Variants in CDH12 observed in about 807,000 individuals in gnomAD.
CDH12 encodes cadherin 12.
In CDH12, 41 loss-of-function variants were observed where a neutral mutation model predicts 74.1. That is an observed-to-expected ratio of 0.55 (90% CI 0.43 to 0.72). CDH12 has a LOEUF of 0.72. CDH12 is among the 30% of genes least tolerant of loss of function. The pLI is 0.00. For missense variants in CDH12, 945 were observed against 977.2 expected, an observed-to-expected ratio of 0.97 and a Z score of 0.44; for synonymous variants, 399 against 355.0, an observed-to-expected ratio of 1.12 and a Z score of -1.39.
At chr5:22,836,221 C>CTTTT (rs1561065927) in intron 1 of CDH12, among the ~76,000 whole-genome samples, 1 of 13,292 alleles carries the variant, frequency 7.5e-5, no homozygotes, top group African/African-American at 3.0e-4. Flanking sequence ...TTCTTTCTTT[C>CTTTT]TCTTTTTTTT....
intron 4 of CDH12, among the ~76,000 whole-genome samples, chr5:22,202,038 C>T (rs994529559): frequency 7.2e-5 from 11 of 152,014 alleles, no homozygotes; most frequent in African/African-American, 2.2e-4. Context: ...CTTACTGAGA[C>T]GGTAAAGAGA....
intron 1 of CDH12, among the ~76,000 whole-genome samples, chr5:22,618,785 T>G (rs1737813913): frequency 6.6e-6 from 1 of 152,056 alleles, no homozygotes. Context: ...CCATGTGTCA[T>G]GGGAGGGACC....
At chr5:22,437,797 T>C (rs1160275249) in intron 2 of CDH12, among the ~76,000 whole-genome samples, 1 of 151,994 alleles carries the variant, frequency 6.6e-6, no homozygotes, top group Admixed American at 6.6e-5. Flanking sequence ...CTAAGATTTA[T>C]TTAACCCAAG....
At position 22,748,126 on chromosome 5, in the gene CDH12, A is replaced by T. The variant is rs75271904; in HGVS notation, c.-523+104932T>A. ...TTTGAAAGGTATATTTAAATAAAAT[A>T]TGTGTAAATTGAAACAAGACAAAAA... On this transcript the variant is annotated intron_variant, in intron 1 of 14. Transcript: ENST00000382254. 2.4e-3 allele frequency among the ~76,000 whole-genome samples: 371 copies of T among 152,358 alleles called. 14 individuals carry two copies. The East Asian group carries it at 0.062, about 26-fold the overall frequency.
At chr5:21,845,290 T>C (rs1750104790) in intron 7 of CDH12, among the ~76,000 whole-genome samples, 1 of 152,132 alleles carries the variant, frequency 6.6e-6, no homozygotes, top group Admixed American at 6.6e-5. Context: ...AATTGTTATG[T>C]TACCTAGCCC....
At chr5:22,392,837 T>C (rs1021783581) in intron 3 of CDH12, among the ~76,000 whole-genome samples, 3 of 152,116 alleles carry the variant, frequency 2.0e-5, no homozygotes, top group Non-Finnish European at 4.4e-5. Context: ...GTGGAGAGAT[T>C]GCTTGGGAAA....
chr5:22,354,966 T>C (rs1468704826), intron 3 of CDH12, among the ~76,000 whole-genome samples: 1 of 152,130 alleles, frequency 6.6e-6, no homozygotes, highest in South Asian at 2.1e-4. Context: ...CCGAATTGAC[T>C]AGGGCCATCT....
intron 3 of CDH12, among the ~76,000 whole-genome samples, chr5:22,290,186 A>G (rs1737322149): frequency 6.6e-6 from 1 of 151,866 alleles, no homozygotes; most frequent in Admixed American, 6.6e-5. Flanking sequence ...ATAAATACTT[A>G]CTAATTCAAA....
chr5:22,064,682 T>C (rs377332191), intron 5 of CDH12, among the ~76,000 whole-genome samples: 1 of 152,162 alleles, frequency 6.6e-6, no homozygotes, highest in Admixed American at 6.5e-5. Flanking sequence ...TGATAAATAA[T>C]CATTTAATGT....
chr5:22,021,562 C>G (rs751199358), intron 5 of CDH12, among the ~76,000 whole-genome samples: 1 of 152,204 alleles, frequency 6.6e-6, no homozygotes, highest in Non-Finnish European at 1.5e-5. Flanking sequence ...ATGTGATACA[C>G]ATTCATTAGA....
intron 3 of CDH12, among the ~76,000 whole-genome samples, chr5:22,397,963 T>G (rs1186166394): frequency 6.6e-6 from 1 of 152,064 alleles, no homozygotes; most frequent in Non-Finnish European, 1.5e-5. Context: ...GCTGACACCT[T>G]GATCTTGGAA....
intron 1 of CDH12, among the ~76,000 whole-genome samples, chr5:22,637,438 A>T (rs1738899964): frequency 6.6e-6 from 1 of 152,246 alleles, no homozygotes; most frequent in Non-Finnish European, 1.5e-5. Flanking sequence ...TGATCACTTT[A>T]AAGAAAGGAG....
intron 7 of CDH12, among the ~76,000 whole-genome samples, chr5:21,849,655 ACT>A (rs886585563): frequency 4.6e-5 from 7 of 151,442 alleles, no homozygotes; most frequent in Non-Finnish European, 8.9e-5. Flanking sequence ...GTTGGAAAAG[ACT>A]CTTTTATTTT....
intron 1 of CDH12, among the ~76,000 whole-genome samples, chr5:22,537,782 A>C (rs1737920677): frequency 6.6e-6 from 1 of 152,222 alleles, no homozygotes; most frequent in Admixed American, 6.5e-5. Flanking sequence ...TTTATTCTCC[A>C]AAATAAACTT....
chr5:22,086,206 T>C (rs879801615), intron 4 of CDH12, among the ~76,000 whole-genome samples: 2 of 152,180 alleles, frequency 1.3e-5, no homozygotes, highest in Non-Finnish European at 1.5e-5. Flanking sequence ...AGATGATTAT[T>C]ACTCAATGAT....
chr5:22,181,048 A>G (rs1030235350), intron 4 of CDH12, among the ~76,000 whole-genome samples: 54 of 152,138 alleles, frequency 3.5e-4, no homozygotes, highest in African/African-American at 1.3e-3. Flanking sequence ...ATAGACACAC[A>G]GACCCTCTGT....
intron 3 of CDH12, among the ~76,000 whole-genome samples, chr5:22,325,264 T>G (rs1399449400): frequency 2.6e-5 from 4 of 152,188 alleles, no homozygotes; most frequent in Non-Finnish European, 5.9e-5. Context: ...ATATTCATTT[T>G]ATGTGATATA....
In CDH12 at chr5:22,355,523, A is replaced by AAT. The variant is rs70959720; in HGVS notation, c.-333+49732_-333+49733dup. On this transcript the variant is annotated intron_variant, in intron 3 of 14. Transcript: ENST00000382254. ...GATATATATATTTCCTTAAAAAAAA[A>AAT]ATATATATATATATATATAAAACTA... Among the ~76,000 whole-genome samples the AAT allele has an allele frequency of 5.2e-3, 434 of 84,016 alleles. 2 individuals carry two copies. The highest frequency in any genetic ancestry group is 0.049 in the East Asian group (160 of 3,282). 55.1% of individuals were successfully genotyped at this position (84,016 alleles called of 152,430 possible). A position where few individuals can be genotyped will look rare whatever the true frequency, so the allele number is the denominator to read the frequency against.
intron 4 of CDH12, among the ~76,000 whole-genome samples, chr5:22,103,963 T>C (rs796874521): frequency 4.0e-4 from 61 of 152,286 alleles, no homozygotes; most frequent in African/African-American, 1.4e-3. Context: ...TGCATCATTA[T>C]GGTTTGGAAG....
Sources: gnomAD v4.1 joint callset for allele counts (sites outside exome capture counted in the v4.1 genomes callset) on GRCh38, gnomAD v4.1.1 for gene constraint, MANE v1.5 for transcripts, NCBI Gene and HGNC (gene_info 2026-07-23, HGNC 2026-07-21) for gene names.